The following DIP2C variants were observed in gnomAD, a reference collection of about 807,000 sequenced individuals.
DIP2C encodes the protein disco-interacting protein 2 homolog C.
DIP2C carries 33 observed loss-of-function variants against 192.4 expected under a neutral mutation model. The ratio of observed to expected loss-of-function variants is 0.17; its 90% confidence interval spans 0.13 to 0.23. The LOEUF (loss-of-function observed/expected upper bound fraction) is 0.23, where lower values mean the gene tolerates loss of function less well. Among genes scored for constraint, DIP2C ranks in the 10% least tolerant of loss-of-function variants. DIP2C has a pLI of 1.00. For synonymous variants in DIP2C, 979 were observed against 864.1 expected (o/e 1.13, Z -2.33); for missense variants, 1,537 against 2,110.1 (o/e 0.73, Z 5.32).
chr10:446,006 G>A (rs1968165100), intron 3 of DIP2C, among the ~76,000 whole-genome samples: 2 of 146,904 alleles, frequency 1.4e-5, no homozygotes, highest in Non-Finnish European at 3.0e-5. Context: ...CATCAGTCGT[G>A]AAGAGTCTAT....
chr10:589,162 C>T (rs954237999), intron 1 of DIP2C, among the ~76,000 whole-genome samples: 10 of 152,162 alleles, frequency 6.6e-5, no homozygotes, highest in South Asian at 2.1e-4. Context: ...GGTCTCTGCC[C>T]GCTTTTAAGT....
At position 327,247 on chromosome 10, in the gene DIP2C, C is replaced by A. The variant is rs911784402; in HGVS notation, c.3754-71G>T. The A allele has an allele frequency of 2.4e-5, 37 of 1,511,572 alleles. No homozygotes were observed. In the Admixed American group the frequency reaches 7.4e-4, roughly 30 times the overall value. 93.6% of individuals were successfully genotyped at this position (1,511,572 alleles called of 1,614,324 possible). ...CTTGGAGTGAGCCAGAGACTCCTTC[C>A]CACAGATCCCCACGTAAACATTGGA... On this transcript the variant is annotated intron_variant, in intron 30 of 36. Coordinates refer to ENST00000280886, the MANE Select transcript of DIP2C (RefSeq NM_014974.3).
intron 1 of DIP2C, among the ~76,000 whole-genome samples, chr10:539,101 T>G (rs1847846146): frequency 6.6e-6 from 1 of 152,258 alleles, no homozygotes; most frequent in African/African-American, 2.4e-5. Context: ...CTATATGACC[T>G]CAGTTGCGAG....
chr10:627,062 C>CCTCATTACGGG (rs1854248185), intron 1 of DIP2C, among the ~76,000 whole-genome samples: 1 of 152,238 alleles, frequency 6.6e-6, no homozygotes, highest in Non-Finnish European at 1.5e-5. Context: ...CCTCGCTCGC[C>CCTCATTACGGG]GTACCAGGAT....
chr10:536,378 T>C (rs1847693418), intron 1 of DIP2C, among the ~76,000 whole-genome samples: 1 of 151,228 alleles, frequency 6.6e-6, no homozygotes, highest in South Asian at 2.1e-4. Flanking sequence ...GACATCACAG[T>C]CCCGGGGGCT....
chr10:481,186 GAAC>G (rs1390672713), intron 2 of DIP2C, among the ~76,000 whole-genome samples: 3 of 152,200 alleles, frequency 2.0e-5, no homozygotes, highest in African/African-American at 4.8e-5. Context: ...CGAGGAATCA[GAAC>G]AACCAACGGC....
rs577191878 is a variant in DIP2C, at chr10:596,677, C to A, written c.85+92817G>T. ...GGCTGCACCCCAAGGAAGGAAGGCA[C>A]ATACTGTGAATGGAATCGGCATAGG... On this transcript the variant is annotated intron_variant, in intron 1 of 36. Coordinates refer to ENST00000280886, the MANE Select transcript of DIP2C (RefSeq NM_014974.3). Among the ~76,000 whole-genome samples, 8 of 152,240 alleles carry A rather than the reference C, an allele frequency of 5.3e-5. No homozygotes were observed. The South Asian group carries it at 1.0e-3, about 20-fold the overall frequency.
chr10:391,402 T>G (rs1344345150), intron 10 of DIP2C, among the ~76,000 whole-genome samples: 1 of 152,236 alleles, frequency 6.6e-6, no homozygotes, highest in Non-Finnish European at 1.5e-5. Context: ...CAGCCCAGTC[T>G]CAACGAACTA....
intron 9 of DIP2C, among the ~76,000 whole-genome samples, chr10:408,559 G>A (rs1964970141): frequency 6.6e-6 from 1 of 152,170 alleles, no homozygotes; most frequent in Non-Finnish European, 1.5e-5. Flanking sequence ...AGCTCTAAAT[G>A]ATGTCTTTAT....
intron 1 of DIP2C, among the ~76,000 whole-genome samples, chr10:578,846 T>C (rs1564221516): frequency 6.6e-6 from 1 of 152,204 alleles, no homozygotes; most frequent in South Asian, 2.1e-4. Flanking sequence ...ATCCATATAG[T>C]GTACGTACAT....
chr10:405,976 G>A (rs1453762450), intron 9 of DIP2C, among the ~76,000 whole-genome samples: 1 of 152,146 alleles, frequency 6.6e-6, no homozygotes, highest in Non-Finnish European at 1.5e-5. Context: ...TAGAAAAGTA[G>A]CGCCTTCACC....
chr10:548,610 T>G (rs1270064972), intron 1 of DIP2C, among the ~76,000 whole-genome samples: 3 of 55,152 alleles, frequency 5.4e-5, no homozygotes, highest in East Asian at 4.4e-4. Context: ...GCAAGGGTTA[T>G]GGGGGTGACA....
intron 29 of DIP2C, chr10:340,896 T>G (rs1182267724): frequency 2.0e-6 from 1 of 490,782 alleles, no homozygotes; most frequent in African/African-American, 1.9e-5. Context: ...ATCGCCAGGT[T>G]TTACAGGCAT....
In DIP2C at chr10:581,213, C is replaced by G. The variant is rs1358595808; in HGVS notation, c.86-94683G>C. 3.3e-5 allele frequency among the ~76,000 whole-genome samples: 5 copies of G among 152,160 alleles called. No individual in the cohort carries two copies. In the South Asian group the frequency reaches 1.0e-3, roughly 32 times the overall value. ...GATACTTACTCTAGTCTACTTGTTT[C>G]CCTTTCTTGAATTCAGCTGGGGAAA... On this transcript the variant is annotated intron_variant, in intron 1 of 36. Coordinates refer to ENST00000280886, the MANE Select transcript of DIP2C (RefSeq NM_014974.3).
At chr10:526,598 G>T (rs1320604357) in intron 1 of DIP2C, among the ~76,000 whole-genome samples, 1 of 151,848 alleles carries the variant, frequency 6.6e-6, no homozygotes, top group Non-Finnish European at 1.5e-5. Context: ...CATTACTAGA[G>T]ACGACCTTGT....
intron 8 of DIP2C, among the ~76,000 whole-genome samples, chr10:409,280 T>TG (rs939388222): frequency 6.6e-6 from 1 of 151,754 alleles, no homozygotes; most frequent in Non-Finnish European, 1.5e-5. Flanking sequence ...AGTGTTGGCC[T>TG]GTCTTCTGAT....
chr10:574,455 C>G (rs1850023705), intron 1 of DIP2C, among the ~76,000 whole-genome samples: 1 of 152,244 alleles, frequency 6.6e-6, no homozygotes, highest in Non-Finnish European at 1.5e-5. Flanking sequence ...CCTCAGCAGA[C>G]AGCCTCATAT....
intron 33 of DIP2C, 122 bp downstream of exon 33, chr10:288,242 G>A: frequency 1.0e-6 from 1 of 966,124 alleles, no homozygotes; most frequent in South Asian, 1.6e-5. Context: ...TCACTGATAT[G>A]TTACTTTCAA....
chr10:511,396 C>T (rs1846002527), intron 1 of DIP2C, among the ~76,000 whole-genome samples: 1 of 152,240 alleles, frequency 6.6e-6, no homozygotes, highest in Non-Finnish European at 1.5e-5. Context: ...CTTCTGTTAC[C>T]AGGCAACCTT....
Sources: allele counts gnomAD v4.1 joint callset (sites outside exome capture counted in the v4.1 genomes callset), GRCh38; gene constraint gnomAD v4.1.1; transcripts MANE v1.5; gene names NCBI Gene and HGNC (gene_info 2026-07-23, HGNC 2026-07-21).